GHR: variants seen among roughly 807,000 people sequenced by gnomAD.
The protein encoded by GHR is growth hormone receptor.
Under a neutral mutation model 67.1 loss-of-function variants are expected in GHR, and 35 were observed. The ratio of observed to expected loss-of-function variants is 0.52; its 90% CI spans 0.40 to 0.69. GHR has a LOEUF of 0.69. Among genes scored for constraint, GHR ranks in the 30% least tolerant of loss-of-function variants. The pLI is 0.00. For missense variants in GHR, 792 were observed against 764.6 expected, an observed-to-expected ratio of 1.04 and a Z score of -0.42; for synonymous variants, 272 against 269.1, an observed-to-expected ratio of 1.01 and a Z score of -0.10.
intron 1 of GHR, among the ~76,000 whole-genome samples, chr5:42,561,174 T>C (rs1749587150): frequency 6.6e-6 from 1 of 152,240 alleles, no homozygotes; most frequent in African/African-American, 2.4e-5. Context: ...CCCTTTTCCA[T>C]ATCCACCAAA....
chr5:42,718,917 T>TAA lies in GHR; in HGVS notation c.1410_1411insAA (p.Ala471LysfsTer6). Reference sequence around the variant, plus strand: ...AAGGAGCTGAGTCAACTCACCAAGCTGCCCATATTCAGCTAAGCAATCCAA... The same window carrying TAA: ...AAGGAGCTGAGTCAACTCACCAAGCTAAGCCCATATTCAGCTAAGCAATCCAA... On this transcript the variant is annotated frameshift_variant, in exon 10 of 10. Transcript: ENST00000230882. LOFTEE classifies it high-confidence loss of function. The TAA allele has an allele frequency of 5.0e-6, 8 of 1,614,160 alleles. No individual in the cohort carries two copies. Among genetic ancestry groups the TAA allele is most frequent in the Non-Finnish European group, 6.8e-6 (8 of 1,180,022 alleles).
At chr5:42,575,337 G>T (rs1340696301) in intron 2 of GHR, among the ~76,000 whole-genome samples, 3 of 152,264 alleles carry the variant, frequency 2.0e-5, no homozygotes, top group East Asian at 1.9e-4. Flanking sequence ...TTTATGAATT[G>T]TGTGATTTTT....
chr5:42,474,295 G>GAGAAAGAAAGAAAGAAAGAAAGAAAA (rs1745165608), intron 1 of GHR, among the ~76,000 whole-genome samples: 1 of 81,070 alleles, frequency 1.2e-5, no homozygotes, highest in East Asian at 2.9e-4. Context: ...AAAAGAGAAA[G>GAGAAAGAAAGAAAGAAAGAAAGAAAA]AGAAAGAAAG....
At chr5:42,617,965 C>T (rs978486904) in intron 2 of GHR, among the ~76,000 whole-genome samples, 4 of 151,964 alleles carry the variant, frequency 2.6e-5, no homozygotes, top group African/African-American at 7.2e-5. Flanking sequence ...ATTTGATTAC[C>T]GTTTTGACTC....
chr5:42,677,364 G>A (rs1756621395), intron 3 of GHR, among the ~76,000 whole-genome samples: 1 of 152,154 alleles, frequency 6.6e-6, no homozygotes, highest in Non-Finnish European at 1.5e-5. Context: ...CGTGAGTGTG[G>A]TAATTCTCTA....
In GHR at chr5:42,606,551, G is replaced by A. The variant is rs113667697; in HGVS notation, c.71-22487G>A. ...GCTCTTTTCAACAATCGGTTCTCTCGTAGAAACTAAGACTGAGAACTTAAC... is the reference window on the plus strand; with the variant it reads ...GCTCTTTTCAACAATCGGTTCTCTCATAGAAACTAAGACTGAGAACTTAAC... On this transcript the variant is annotated intron_variant, in intron 2 of 9. Transcript: ENST00000230882. Among the ~76,000 whole-genome samples the A allele has an allele frequency of 7.0e-3, 1,063 of 152,232 alleles. 12 individuals carry two copies. The highest frequency in any genetic ancestry group is 0.017 in the South Asian group (81 of 4,826).
At chr5:42,688,814 C>G (rs1263278989) in intron 3 of GHR, 76 bp from the exon 4 acceptor site, 4 of 1,341,706 alleles carry the variant, frequency 3.0e-6, no homozygotes, top group Admixed American at 3.4e-5. Context: ...TCTTCACACA[C>G]TTTAGATACG....
intron 2 of GHR, among the ~76,000 whole-genome samples, chr5:42,609,914 G>C (rs1752809232): frequency 6.6e-6 from 1 of 152,100 alleles, no homozygotes; most frequent in African/African-American, 2.4e-5. Context: ...AACCTTAAAG[G>C]ATAAATTGGC....
At chr5:42,515,802 G>A (rs1747211598) in intron 1 of GHR, among the ~76,000 whole-genome samples, 1 of 152,228 alleles carries the variant, frequency 6.6e-6, no homozygotes, top group Non-Finnish European at 1.5e-5. Context: ...AAGGAGGGCA[G>A]TAGCAACCTT....
chr5:42,708,419 T>A (rs1215106219), intron 6 of GHR, among the ~76,000 whole-genome samples: 2 of 152,186 alleles, frequency 1.3e-5, no homozygotes, highest in African/African-American at 4.8e-5. Context: ...CTCTCTTTTT[T>A]GTTGTTTGGG....
chr5:42,638,667 G>A (rs558717810), intron 3 of GHR, among the ~76,000 whole-genome samples: 1 of 152,184 alleles, frequency 6.6e-6, no homozygotes, highest in Non-Finnish European at 1.5e-5. Flanking sequence ...CATATATGCA[G>A]TCTGTCGTTG....
chr5:42,443,232 T>G (rs1401452786), intron 1 of GHR, among the ~76,000 whole-genome samples: 2 of 152,154 alleles, frequency 1.3e-5, no homozygotes, highest in African/African-American at 4.8e-5. Flanking sequence ...TAGTTGAAAT[T>G]TGTTGAAATT....
intron 1 of GHR, among the ~76,000 whole-genome samples, chr5:42,491,788 C>T (rs767816845): frequency 1.1e-4 from 16 of 152,172 alleles, no homozygotes; most frequent in Non-Finnish European, 2.4e-4. Context: ...TGGGCCAGAG[C>T]TAAGGCAAGA....
chr5:42,676,127 A>T (rs1756562481), intron 3 of GHR, among the ~76,000 whole-genome samples: 1 of 152,162 alleles, frequency 6.6e-6, no homozygotes, highest in African/African-American at 2.4e-5. Flanking sequence ...TCTACTAAAA[A>T]TACAAAAATT....
In GHR at chr5:42,577,291, A is replaced by G. The variant is rs1037648806; in HGVS notation, c.70+11347A>G. ...AAAACCAGTGGACAAGATGATTCCT[A>G]AGGTTCCTTTCTTCCTGGTCTATGC... On this transcript the variant is annotated intron_variant, in intron 2 of 9. Transcript: ENST00000230882. Among the ~76,000 whole-genome samples, 3 of 152,240 alleles carry G rather than the reference A, an allele frequency of 2.0e-5. No homozygotes were observed. In the South Asian group the frequency reaches 6.2e-4, roughly 31 times the overall value.
At chr5:42,702,614 G>A (rs1757984203) in intron 6 of GHR, among the ~76,000 whole-genome samples, 1 of 151,940 alleles carries the variant, frequency 6.6e-6, no homozygotes, top group African/African-American at 2.4e-5. Context: ...TTTTGAGGAA[G>A]CTTCATATTA....
chr5:42,576,043 AAAT>A (rs200046668), intron 2 of GHR, among the ~76,000 whole-genome samples: 1,881 of 83,540 alleles, frequency 0.023, 86 homozygotes, highest in East Asian at 0.098. Context: ...CAGAAAATTA[AAAT>A]AATAAAATAA....
chr5:42,425,044 G>GGA, intron 1 of GHR: 4 of 983,290 alleles, frequency 4.1e-6, no homozygotes, highest in Non-Finnish European at 4.8e-6. Context: ...GAAAGGTAAC[G>GGA]GAAGGCCAAA....
chr5:42,568,861 A>G (rs548143122), intron 2 of GHR, among the ~76,000 whole-genome samples: 2 of 152,330 alleles, frequency 1.3e-5, no homozygotes, highest in African/African-American at 4.8e-5. Context: ...AATTCTTAAG[A>G]GCTTCCTATT....
Sources: gnomAD v4.1 joint callset for allele counts (sites outside exome capture counted in the v4.1 genomes callset) on GRCh38, gnomAD v4.1.1 for gene constraint, MANE v1.5 for transcripts, NCBI Gene and HGNC (gene_info 2026-07-23, HGNC 2026-07-21) for gene names.